GALNT13: variants seen among roughly 807,000 people sequenced by gnomAD.
The protein encoded by GALNT13 is UDP-GalNAc:polypeptide N-acetylgalactosaminyltransferase 13.
A neutral mutation model predicts 64.2 loss-of-function variants in GALNT13; 28 were observed. That is an observed-to-expected ratio of 0.44 (90% confidence interval 0.32 to 0.60). The LOEUF (loss-of-function observed/expected upper bound fraction) is 0.60. Ranked by LOEUF, GALNT13 falls within the 20% of genes least tolerant of loss-of-function variation. The pLI, the probability that GALNT13 is intolerant of heterozygous loss-of-function variation, is 0.05. For synonymous variants in GALNT13, 214 were observed against 224.6 expected, an observed-to-expected ratio of 0.95 and a Z score of 0.42; for missense variants, 577 against 669.8, an observed-to-expected ratio of 0.86 and a Z score of 1.53.
intron 3 of GALNT13, among the ~76,000 whole-genome samples, chr2:154,015,100 A>G (rs1484221181): frequency 6.6e-6 from 1 of 152,228 alleles, no homozygotes; most frequent in Non-Finnish European, 1.5e-5. Flanking sequence ...AATGGAAGAA[A>G]CAATGCCTCA....
chr2:153,132,158 C>A, the GALNT13 span, among the ~76,000 whole-genome samples: 1 of 152,104 alleles, frequency 6.6e-6, no homozygotes, highest in East Asian at 1.9e-4. Context: ...CTGGAGAGGA[C>A]CAATACCAGC....
chr2:153,699,364 C>T, the GALNT13 span, among the ~76,000 whole-genome samples: 2 of 152,066 alleles, frequency 1.3e-5, no homozygotes, highest in African/African-American at 4.8e-5. Flanking sequence ...ATTTGTAGCA[C>T]TAAATGCCCT....
At chr2:153,158,405 T>C in the GALNT13 span, among the ~76,000 whole-genome samples, 9 of 152,184 alleles carry the variant, frequency 5.9e-5, no homozygotes, top group Non-Finnish European at 1.2e-4. Context: ...AATTAACCCA[T>C]GACCAGGATA....
chr2:154,212,684 C>G (rs1687843777), intron 4 of GALNT13, among the ~76,000 whole-genome samples: 1 of 152,012 alleles, frequency 6.6e-6, no homozygotes, highest in African/African-American at 2.4e-5. Context: ...TTCCTTTCTC[C>G]TTCCTCTCCC....
intron 3 of GALNT13, among the ~76,000 whole-genome samples, chr2:153,965,910 A>G (rs919182216): frequency 6.1e-5 from 9 of 147,668 alleles, no homozygotes; most frequent in Non-Finnish European, 1.0e-4. Context: ...CTCATAACAA[A>G]TTGTTTTAGT....
intron 3 of GALNT13, among the ~76,000 whole-genome samples, chr2:154,116,420 A>G (rs1356001231): frequency 1.3e-5 from 2 of 151,910 alleles, no homozygotes; most frequent in Non-Finnish European, 2.9e-5. Flanking sequence ...CTCTTTCTCT[A>G]TAGGAGGTAA....
intron 9 of GALNT13, among the ~76,000 whole-genome samples, chr2:154,358,850 G>A (rs775192911): frequency 3.3e-5 from 5 of 152,066 alleles, no homozygotes; most frequent in Non-Finnish European, 5.9e-5. Context: ...TGCATTCATA[G>A]TACTGTGAAT....
intron 11 of GALNT13, among the ~76,000 whole-genome samples, chr2:154,429,501 A>G (rs367700513): frequency 1.3e-4 from 20 of 152,346 alleles, no homozygotes; most frequent in Admixed American, 4.6e-4. Context: ...AAAGCTGCAG[A>G]AGAAAATTTG....
At chr2:153,414,958 A>G in the GALNT13 span, among the ~76,000 whole-genome samples, 5 of 152,100 alleles carry the variant, frequency 3.3e-5, no homozygotes, top group African/African-American at 1.2e-4. Context: ...ACAAGGAGGG[A>G]GTTTTAAGGA....
chr2:153,161,006 T>C, the GALNT13 span, among the ~76,000 whole-genome samples: 2 of 152,302 alleles, frequency 1.3e-5, no homozygotes, highest in African/African-American at 4.8e-5. Flanking sequence ...GGCTAGCAGA[T>C]AGATTTAAAA....
intron 4 of GALNT13, among the ~76,000 whole-genome samples, chr2:154,237,672 A>G (rs1453123216): frequency 6.6e-6 from 1 of 151,330 alleles, no homozygotes; most frequent in Non-Finnish European, 1.5e-5. Context: ...ACATGTGTTA[A>G]GATGTGCAGT....
the GALNT13 span, among the ~76,000 whole-genome samples, chr2:153,145,079 T>G: frequency 1.3e-5 from 2 of 151,904 alleles, no homozygotes; most frequent in African/African-American, 4.8e-5. Flanking sequence ...TTTAGCACAC[T>G]GTAGATATGA....
intron 1 of GALNT13, among the ~76,000 whole-genome samples, chr2:153,881,315 A>G (rs763099568): frequency 1.3e-5 from 2 of 152,204 alleles, no homozygotes; most frequent in Non-Finnish European, 2.9e-5. Flanking sequence ...CACATCAAAA[A>G]TCATTGTGAT....
chr2:153,413,365 T>G, the GALNT13 span, among the ~76,000 whole-genome samples: 1 of 152,156 alleles, frequency 6.6e-6, no homozygotes, highest in Admixed American at 6.5e-5. Flanking sequence ...CACTTACTAC[T>G]GGGTCTGTCC....
the GALNT13 span, among the ~76,000 whole-genome samples, chr2:153,533,723 C>CTTTTGTTTTTTTTTTTTTTTTTTTTT: frequency 2.1e-5 from 1 of 48,732 alleles, no homozygotes; most frequent in Non-Finnish European, 3.6e-5. Context: ...TGAGGTTTTT[C>CTTTTGTTTTTTTTTTTTTTTTTTTTT]TTTTTTTTTT....
the GALNT13 span, among the ~76,000 whole-genome samples, chr2:153,163,330 T>TG: frequency 2.0e-5 from 3 of 152,170 alleles, no homozygotes; most frequent in African/African-American, 7.2e-5. Flanking sequence ...ATTCAGGGTT[T>TG]TTTTTGGTGT....
the GALNT13 span, among the ~76,000 whole-genome samples, chr2:153,262,660 T>C: frequency 6.6e-6 from 1 of 152,116 alleles, no homozygotes; most frequent in Non-Finnish European, 1.5e-5. Flanking sequence ...TCCAAATTAA[T>C]AAACATAATT....
chr2:153,845,460 G>A, the GALNT13 span, among the ~76,000 whole-genome samples: 227 of 152,284 alleles, frequency 1.5e-3, no homozygotes, highest in African/African-American at 5.2e-3. Flanking sequence ...CTGATCTTAC[G>A]TGAATGAACT....
At chr2:154,350,063 A>C (rs976541887) in intron 9 of GALNT13, among the ~76,000 whole-genome samples, 1 of 152,224 alleles carries the variant, frequency 6.6e-6, no homozygotes, top group African/African-American at 2.4e-5. Flanking sequence ...TTTTTATCAA[A>C]AATAGAACGT....
Sources: gnomAD v4.1 joint callset for allele counts (sites outside exome capture counted in the v4.1 genomes callset) on GRCh38, gnomAD v4.1.1 for gene constraint, MANE v1.5 for transcripts, NCBI Gene and HGNC (gene_info 2026-07-23, HGNC 2026-07-21) for gene names.